RPUSD3: variants seen among roughly 807,000 people sequenced by gnomAD.
RPUSD3 encodes the protein mitochondrial mRNA pseudouridine synthase RPUSD3.
A neutral mutation model predicts 35.1 loss-of-function variants in RPUSD3; 36 were observed. The ratio of observed to expected loss-of-function variants is 1.02; its 90% CI spans 0.79 to 1.35. The LOEUF is 1.35. Among genes scored for constraint, RPUSD3 ranks in the 40% most tolerant of loss-of-function variants. The pLI is 0.00. For synonymous variants in RPUSD3, 202 were observed against 187.8 expected (o/e 1.08, Z -0.62); for missense variants, 486 against 441.9 (o/e 1.10, Z -0.89).
At position 9,842,182 on chromosome 3, in the gene RPUSD3, A is replaced by C. The variant is rs1316313298; in HGVS notation, c.307+17T>G. On this transcript the variant is annotated intron_variant, in intron 3 of 8. Transcript: ENST00000383820. ...CCCCCTTCCGCTGCATTCCCTTCCC[A>C]CATCCCCGGCCCATACCTGTCACTG... 1 of 1,613,840 alleles carries C rather than the reference A, an allele frequency of 6.2e-7. No individual in the cohort carries two copies. Among genetic ancestry groups the C allele is most frequent in the South Asian group, 1.1e-5 (1 of 91,056 alleles).
intron 2 of RPUSD3, chr3:9,842,970 C>A (rs947530208): frequency 6.2e-6 from 1 of 160,824 alleles, no homozygotes; most frequent in African/African-American, 2.4e-5. Flanking sequence ...CGGCTCACTG[C>A]AACCTCTGCT....
At position 9,840,725 on chromosome 3, in the gene RPUSD3, C is replaced by A. The variant is rs534495694; in HGVS notation, c.488G>T (p.Arg163Ile). 1.9e-5 allele frequency: 30 copies of A among 1,614,142 alleles called. 1 individual carries two copies. In the South Asian group the frequency reaches 3.0e-4, roughly 16 times the overall value. The change falls in exon 5 of 9, where the codon AGA (arginine) becomes ATA (isoleucine). Residue 163 changes from arginine to isoleucine, a missense_variant. Transcript: ENST00000383820. ...GTAGGTGGCTGTGGGCCTTTGGGCTCTCCGTGCATGGGTGAAGTACTTCTG... is the reference window on the plus strand; with the variant it reads ...GTAGGTGGCTGTGGGCCTTTGGGCTATCCGTGCATGGGTGAAGTACTTCTG...
exon 8 of RPUSD3, chr3:9,839,123 A>G: frequency 6.2e-7 from 1 of 1,614,174 alleles, no homozygotes. Flanking sequence ...GTCCCCAAGC[A>G]CAGGGCAGAG....
chr3:9,838,619 G>A (rs1315666538), intron 8 of RPUSD3, among the ~76,000 whole-genome samples: 2 of 152,142 alleles, frequency 1.3e-5, no homozygotes, highest in Admixed American at 1.3e-4. Context: ...AGTACTTAGT[G>A]CTTGAAGCAG....
chr3:9,841,707 G>C (rs961548346), intron 4 of RPUSD3: 13 of 290,152 alleles, frequency 4.5e-5, no homozygotes, highest in Non-Finnish European at 8.4e-5. Context: ...GGGCTCAAGT[G>C]ATCCTCTTGC....
chr3:9,842,949 T>G (rs934699857), intron 2 of RPUSD3: 1 of 159,220 alleles, frequency 6.3e-6, no homozygotes, highest in East Asian at 1.8e-4. Flanking sequence ...TGGAGCGCAG[T>G]AGCACGATGT....
intron 7 of RPUSD3, 52 bp downstream of exon 7, chr3:9,840,132 A>C (rs771347642): frequency 9.5e-6 from 15 of 1,584,964 alleles, no homozygotes; most frequent in Non-Finnish European, 1.3e-5. Context: ...CACCTGCCTC[A>C]GCCTCCCAAA....
exon 7 of RPUSD3, chr3:9,840,203 G>C (rs771031307): frequency 2.5e-6 from 4 of 1,613,432 alleles, no homozygotes. Flanking sequence ...GCTGCAGCTG[G>C]ACCAGGGCAC....
chr3:9,837,855 A>G lies in RPUSD3; in HGVS notation c.*161T>C, dbSNP rs370002567. The G allele has an allele frequency of 4.5e-5, 30 of 672,740 alleles. No homozygotes were observed. The East Asian group carries it at 5.4e-4, about 12-fold the overall frequency. 41.7% of individuals were successfully genotyped at this position (672,740 alleles called of 1,614,324 possible). A position where few individuals can be genotyped will look rare whatever the true frequency, so the allele number is the denominator to read the frequency against. ...AATCCTCAAAACCATAACATGAGGT[A>G]GGAACTTTTATTATCACAAGTCCAG... On this transcript the variant is annotated 3_prime_UTR_variant, in exon 9 of 9. Coordinates refer to ENST00000383820, the Ensembl canonical transcript of RPUSD3.
exon 5 of RPUSD3, chr3:9,840,705 T>C: frequency 6.2e-7 from 1 of 1,614,074 alleles, no homozygotes; most frequent in Non-Finnish European, 8.5e-7. Context: ...CACCAGTAGG[T>C]GGCTGTGGGC....
At chr3:9,839,524 C>G (rs1407591709) in intron 7 of RPUSD3, 1 of 174,836 alleles carries the variant, frequency 5.7e-6, no homozygotes, top group Non-Finnish European at 1.2e-5. Flanking sequence ...CAAATGCTCC[C>G]CAGGCTGCTG....
chr3:9,843,339 G>C (rs2082130269), intron 2 of RPUSD3, 126 bp downstream of exon 2: 2 of 1,421,866 alleles, frequency 1.4e-6, no homozygotes, highest in East Asian at 2.3e-5. Context: ...TAGGTGGCTT[G>C]TCCCAGCTCA....
chr3:9,842,864 G>GT (rs2082122978), intron 2 of RPUSD3: 1 of 154,152 alleles, frequency 6.5e-6, no homozygotes, highest in African/African-American at 2.4e-5. Flanking sequence ...CAAAGCCTGT[G>GT]TTTTGTCCGT....
chr3:9,842,523 A>C, intron 2 of RPUSD3: 7 of 514,186 alleles, frequency 1.4e-5, no homozygotes, highest in East Asian at 3.3e-5. Context: ...CTCCAATCTA[A>C]TGTCTGCCTT....
Position 9,839,182 on chromosome 3 carries a change from G to C in RPUSD3, c.725-11C>G. On this transcript the variant is annotated splice_polypyrimidine_tract_variant and intron_variant, in intron 7 of 8. Coordinates refer to ENST00000383820, the Ensembl canonical transcript of RPUSD3. The stretch of plus-strand genomic sequence containing the variant: ...GTTGACTGGAGAACACTGGGCAACA[G>C]GAAAGCCAGGAGAGACAGTGGGCAG... 1 of 1,601,960 alleles carries C rather than the reference G, an allele frequency of 6.2e-7. No homozygotes were observed. Among genetic ancestry groups the C allele is most frequent in the Non-Finnish European group, 8.5e-7 (1 of 1,170,484 alleles).
intron 8 of RPUSD3, among the ~76,000 whole-genome samples, chr3:9,838,730 T>C (rs376578636): frequency 5.3e-5 from 8 of 152,324 alleles, no homozygotes; most frequent in African/African-American, 1.9e-4. Flanking sequence ...AGGCATCTGG[T>C]GTCCTAATAC....
At chr3:9,841,105 C>T (rs916614432) in intron 4 of RPUSD3, 2 of 204,378 alleles carry the variant, frequency 9.8e-6, no homozygotes, top group African/African-American at 2.4e-5. Flanking sequence ...AATAAGTTCT[C>T]TACAAAAAAG....
At chr3:9,842,052 A>C (rs1347778546) in exon 4 of RPUSD3, 1 of 1,612,056 alleles carries the variant, frequency 6.2e-7, no homozygotes, top group African/African-American at 1.3e-5. Flanking sequence ...CTCTGGCAGC[A>C]CTGAGAACAA....
At chr3:9,843,758 C>T (rs1341251852) in intron 1 of RPUSD3, 132 bp downstream of exon 1, 2 of 1,540,156 alleles carry the variant, frequency 1.3e-6, no homozygotes, top group East Asian at 2.4e-5. Flanking sequence ...TCCCATTCTA[C>T]AGCGGAGGGC....
Sources: allele counts gnomAD v4.1 joint callset (sites outside exome capture counted in the v4.1 genomes callset), GRCh38; gene constraint gnomAD v4.1.1; transcripts MANE v1.5; gene names NCBI Gene and HGNC (gene_info 2026-07-23, HGNC 2026-07-21).